Variants in RBFOX2 observed in about 807,000 individuals in gnomAD.
The protein encoded by RBFOX2 is RNA binding protein fox-1 homolog 2.
Under a neutral mutation model 49.1 loss-of-function variants are expected in RBFOX2, and 10 were observed. The ratio of observed to expected loss-of-function variants is 0.20; its 90% CI spans 0.13 to 0.35. The LOEUF (loss-of-function observed/expected upper bound fraction) is 0.35, where lower values mean the gene tolerates loss of function less well. RBFOX2 is among the 10% of genes least tolerant of loss of function. The pLI, the probability that RBFOX2 is intolerant of heterozygous loss-of-function variation, is 1.00. For synonymous variants in RBFOX2, 183 were observed against 187.4 expected (o/e 0.98, Z 0.19); for missense variants, 323 against 486.9 (o/e 0.66, Z 3.17).
intron 1 of RBFOX2, among the ~76,000 whole-genome samples, chr22:35,887,583 T>C (rs1259343332): frequency 6.6e-6 from 1 of 152,190 alleles, no homozygotes; most frequent in Non-Finnish European, 1.5e-5. Context: ...CCATATAGTG[T>C]TGGACCTTCC....
At chr22:35,963,777 ACT>A (rs1269873109), upstream of RBFOX2, among the ~76,000 whole-genome samples, 1 of 152,048 alleles carries the variant, frequency 6.6e-6, no homozygotes, top group Non-Finnish European at 1.5e-5. Context: ...ATGGAGTCTC[ACT>A]CTGTCGCCCA....
chr22:35,752,293 AC>A (rs1435114229), intron 9 of RBFOX2, among the ~76,000 whole-genome samples: 1 of 152,224 alleles, frequency 6.6e-6, no homozygotes, highest in African/African-American at 2.4e-5. Flanking sequence ...ATATAAAAAA[AC>A]AGTTTAAATA....
intron 1 of RBFOX2, among the ~76,000 whole-genome samples, chr22:35,874,990 C>G (rs2044837227): frequency 6.6e-6 from 1 of 152,072 alleles, no homozygotes. Flanking sequence ...AAAGAGACAC[C>G]AGAGAGCTTG....
chr22:35,793,246 C>T (rs1009158424), intron 2 of RBFOX2, among the ~76,000 whole-genome samples: 23 of 152,128 alleles, frequency 1.5e-4, no homozygotes, highest in Admixed American at 2.0e-4. Context: ...TGGTGGCAGG[C>T]GCCTGTAATT....
At chr22:35,874,592 G>A (rs2044774228) in intron 1 of RBFOX2, among the ~76,000 whole-genome samples, 1 of 152,168 alleles carries the variant, frequency 6.6e-6, no homozygotes, top group African/African-American at 2.4e-5. Context: ...GGAATGAAAT[G>A]AACATGGAAG....
intron 2 of RBFOX2, among the ~76,000 whole-genome samples, chr22:35,795,656 CCT>C (rs892026784): frequency 1.6e-5 from 2 of 124,958 alleles, no homozygotes; most frequent in African/African-American, 5.9e-5. Flanking sequence ...AAAAAAAAAT[CCT>C]CTGAGCATAA....
chr22:35,795,051 T>C (rs1380655499), intron 2 of RBFOX2, among the ~76,000 whole-genome samples: 1 of 152,178 alleles, frequency 6.6e-6, no homozygotes, highest in Non-Finnish European at 1.5e-5. Flanking sequence ...AATTCTAAAT[T>C]TGGTTTTCTG....
intron 1 of RBFOX2, among the ~76,000 whole-genome samples, chr22:35,856,814 C>T (rs1438153684): frequency 6.6e-6 from 1 of 152,022 alleles, no homozygotes; most frequent in Non-Finnish European, 1.5e-5. Flanking sequence ...GGGTGGATTG[C>T]CTGAACTCAG....
chr22:35,886,198 T>TATACCTAGAATATC lies in RBFOX2; in HGVS notation c.-34+52648_-34+52649insGATATTCTAGGTAT, dbSNP rs1302428256. 1.5e-4 allele frequency among the ~76,000 whole-genome samples: 23 copies of TATACCTAGAATATC among 152,198 alleles called. No individual in the cohort carries two copies. The East Asian group carries it at 4.4e-3, about 29-fold the overall frequency. On this transcript the variant is annotated intron_variant, in intron 1 of 13. Coordinates refer to the RBFOX2 transcript ENST00000359369. The stretch of plus-strand genomic sequence containing the variant: ...TTGAACACTTTGCTACCCAGACAGT[T>TATACCTAGAATATC]CATTATACCTAGAATATCCAATTAA...
At chr22:35,945,844 G>A (rs2054217896) in intron 1 of RBFOX2, among the ~76,000 whole-genome samples, 2 of 152,166 alleles carry the variant, frequency 1.3e-5, no homozygotes, top group Admixed American at 1.3e-4. Context: ...ATACGAATCT[G>A]ATAGTATCTA....
chr22:35,875,664 G>GTA (rs2149238779), intron 1 of RBFOX2, among the ~76,000 whole-genome samples: 1 of 120,128 alleles, frequency 8.3e-6, no homozygotes, highest in South Asian at 2.6e-4. Context: ...GTGTGTGTGT[G>GTA]TGTCTTGTAG....
chr22:35,997,946 G>A (rs938603717), intron 1 of RBFOX2: 3 of 152,202 alleles, frequency 2.0e-5, no homozygotes, highest in African/African-American at 7.2e-5. Flanking sequence ...AGGCTGCAGT[G>A]AGCCGTGACC....
chr22:35,946,888 C>T (rs1413969284), intron 1 of RBFOX2, among the ~76,000 whole-genome samples: 1 of 152,116 alleles, frequency 6.6e-6, no homozygotes, highest in Non-Finnish European at 1.5e-5. Flanking sequence ...CAATGGTAGT[C>T]CCATGAGATT....
intron 1 of RBFOX2, among the ~76,000 whole-genome samples, chr22:35,825,933 G>A (rs927296626): frequency 1.5e-5 from 2 of 129,816 alleles, no homozygotes; most frequent in African/African-American, 6.1e-5. Context: ...AGTGAGCCAC[G>A]ATCTCACCAT....
chr22:35,769,062 C>A (rs1359082475), intron 4 of RBFOX2, among the ~76,000 whole-genome samples: 1 of 152,062 alleles, frequency 6.6e-6, no homozygotes, highest in East Asian at 1.9e-4. Context: ...TTTAAATGAC[C>A]AGATTGACAC....
At chr22:35,944,728 T>C (rs1386568355) in intron 1 of RBFOX2, among the ~76,000 whole-genome samples, 1 of 152,050 alleles carries the variant, frequency 6.6e-6, no homozygotes, top group Non-Finnish European at 1.5e-5. Context: ...GAGTTGGCTA[T>C]GAGCAGAGTG....
intron 4 of RBFOX2, among the ~76,000 whole-genome samples, chr22:35,771,404 A>G (rs1405131040): frequency 2.0e-5 from 3 of 152,214 alleles, no homozygotes; most frequent in Non-Finnish European, 4.4e-5. Flanking sequence ...GAAGATAGAA[A>G]AGGGGAGAAA....
intron 1 of RBFOX2, among the ~76,000 whole-genome samples, chr22:35,916,448 A>AT (rs2050418949): frequency 6.6e-6 from 1 of 152,174 alleles, no homozygotes; most frequent in African/African-American, 2.4e-5. Flanking sequence ...AACCCGGCTA[A>AT]TATTTGTATT....
chr22:35,852,249 CATCTGCCAATTTTGGT>C lies in RBFOX2; in HGVS notation c.-33-42261_-33-42246del, dbSNP rs1263453327. Among the ~76,000 whole-genome samples the C allele has an allele frequency of 7.9e-5, 12 of 152,210 alleles. No homozygotes were observed. In the South Asian group the frequency reaches 2.3e-3, roughly 29 times the overall value. On this transcript the variant is annotated intron_variant, in intron 1 of 13. Coordinates refer to the RBFOX2 transcript ENST00000359369. ...CACCATTTTATATAAGAAACTTGAG[CATCTGCCAATTTTGGT>C]ATCTGCAGGGGTGTGAGAGGGTGTA...
Sources: gnomAD v4.1 joint callset for allele counts (sites outside exome capture counted in the v4.1 genomes callset) on GRCh38, gnomAD v4.1.1 for gene constraint, MANE v1.5 for transcripts, NCBI Gene and HGNC (gene_info 2026-07-23, HGNC 2026-07-21) for gene names.